The following ARHGAP32 variants were observed in gnomAD, a reference collection of about 807,000 sequenced individuals.
ARHGAP32 encodes rho GTPase-activating protein 32.
Under a neutral mutation model 186.5 loss-of-function variants are expected in ARHGAP32, and 51 were observed. The ratio of observed to expected loss-of-function variants is 0.27; its 90% CI spans 0.22 to 0.35. ARHGAP32 has a LOEUF of 0.35. ARHGAP32 is among the 10% of genes least tolerant of loss of function. The probability of loss-of-function intolerance (pLI) is 1.00; values close to 1 mark genes in which losing one functional copy is unlikely to be tolerated. For synonymous variants in ARHGAP32, 950 were observed against 964.3 expected, an observed-to-expected ratio of 0.99 and a Z score of 0.27; for missense variants, 2,186 against 2,623.5, an observed-to-expected ratio of 0.83 and a Z score of 3.64.
At chr11:129,114,076 C>T (rs146239923) in intron 5 of ARHGAP32, among the ~76,000 whole-genome samples, 1 of 152,202 alleles carries the variant, frequency 6.6e-6, no homozygotes, top group East Asian at 1.9e-4. Flanking sequence ...GGCCCCCTTA[C>T]ATCTGGATAA....
At chr11:129,100,370 G>A (rs1941858891) in intron 5 of ARHGAP32, among the ~76,000 whole-genome samples, 1 of 152,176 alleles carries the variant, frequency 6.6e-6, no homozygotes, top group Non-Finnish European at 1.5e-5. Context: ...AGCCTCACAT[G>A]TCCTGGGAGC....
intron 5 of ARHGAP32, among the ~76,000 whole-genome samples, chr11:129,115,941 T>C (rs1376910431): frequency 1.3e-5 from 2 of 152,206 alleles, no homozygotes; most frequent in African/African-American, 2.4e-5. Context: ...TCAAGTTTCA[T>C]AAGTGCAGAG....
chr11:128,977,015 G>C (rs911089233), intron 19 of ARHGAP32, among the ~76,000 whole-genome samples: 2 of 152,098 alleles, frequency 1.3e-5, no homozygotes, highest in African/African-American at 4.8e-5. Flanking sequence ...GTCCTCGTAA[G>C]AAAACACAGA....
upstream of ARHGAP32, among the ~76,000 whole-genome samples, chr11:129,193,497 A>T (rs189733496): frequency 0.12 from 9,909 of 79,790 alleles, 1,434 homozygotes; most frequent in Admixed American, 0.17. Context: ...AAAAAAAAAA[A>T]AAATATATAT....
At chr11:129,171,254 G>A (rs1943753876) in intron 1 of ARHGAP32, among the ~76,000 whole-genome samples, 1 of 152,212 alleles carries the variant, frequency 6.6e-6, no homozygotes, top group East Asian at 1.9e-4. Flanking sequence ...CCATGCCTAT[G>A]TCCTGAATGG....
intron 2 of ARHGAP32, among the ~76,000 whole-genome samples, chr11:129,130,805 G>A (rs1424089982): frequency 6.6e-6 from 1 of 152,024 alleles, no homozygotes; most frequent in Non-Finnish European, 1.5e-5. Flanking sequence ...TTCCTACTAA[G>A]CATACTCCAT....
intron 5 of ARHGAP32, among the ~76,000 whole-genome samples, chr11:129,122,942 T>C (rs1314099691): frequency 6.6e-6 from 1 of 152,092 alleles, no homozygotes; most frequent in Non-Finnish European, 1.5e-5. Context: ...ATATATATAA[T>C]GTACAAAGGA....
At chr11:128,974,089 A>T in intron 21 of ARHGAP32, 35 bp downstream of exon 21, 1 of 1,604,640 alleles carries the variant, frequency 6.2e-7, no homozygotes. Context: ...GATCCCTCTT[A>T]ACTTAAAGAA....
At chr11:129,224,702 C>T (rs997715387) in intron 1 of ARHGAP32, among the ~76,000 whole-genome samples, 3 of 142,720 alleles carry the variant, frequency 2.1e-5, no homozygotes, top group Non-Finnish European at 3.0e-5. Flanking sequence ...TCAACCTATC[C>T]GGTGACATCC....
intron 12 of ARHGAP32, among the ~76,000 whole-genome samples, chr11:128,997,855 C>T (rs1470340715): frequency 6.6e-6 from 1 of 152,154 alleles, no homozygotes; most frequent in Non-Finnish European, 1.5e-5. Context: ...GATCACGCCA[C>T]TGCACTCCAG....
At chr11:129,046,049 T>C (rs1939793604) in intron 10 of ARHGAP32, among the ~76,000 whole-genome samples, 1 of 152,096 alleles carries the variant, frequency 6.6e-6, no homozygotes, top group South Asian at 2.1e-4. Flanking sequence ...CTGGTAAATG[T>C]TTAACAACTA....
chr11:129,030,285 A>G (rs1286629600), intron 11 of ARHGAP32, among the ~76,000 whole-genome samples: 1 of 152,354 alleles, frequency 6.6e-6, no homozygotes, highest in Admixed American at 6.5e-5. Flanking sequence ...TGGCTACAAA[A>G]GAGCAAAAAG....
chr11:129,190,086 T>C (rs914799478), intron 1 of ARHGAP32, among the ~76,000 whole-genome samples: 3 of 152,230 alleles, frequency 2.0e-5, no homozygotes, highest in African/African-American at 7.2e-5. Context: ...GAGATTTTTA[T>C]AAAAACACAG....
At chr11:129,085,993 C>CA (rs1243593533) in intron 6 of ARHGAP32, among the ~76,000 whole-genome samples, 4 of 125,244 alleles carry the variant, frequency 3.2e-5, no homozygotes, top group Non-Finnish European at 6.8e-5. Context: ...GACTCCATCT[C>CA]AAAAAAACAA....
intron 1 of ARHGAP32, among the ~76,000 whole-genome samples, chr11:129,174,642 C>A (rs991074098): frequency 5.3e-5 from 8 of 152,296 alleles, no homozygotes; most frequent in African/African-American, 1.2e-4. Flanking sequence ...CCCCTGACCC[C>A]CGAGCAGCCT....
intron 10 of ARHGAP32, among the ~76,000 whole-genome samples, chr11:129,061,690 A>G (rs1240812277): frequency 2.0e-5 from 3 of 152,180 alleles, no homozygotes; most frequent in Admixed American, 6.5e-5. Flanking sequence ...AGATTTTATC[A>G]CACTACTCAG....
intron 5 of ARHGAP32, among the ~76,000 whole-genome samples, chr11:129,110,712 T>C (rs1942186088): frequency 6.6e-6 from 1 of 152,140 alleles, no homozygotes; most frequent in Non-Finnish European, 1.5e-5. Flanking sequence ...ACGATTGCCT[T>C]CTTCTTTTCA....
Position 128,974,435 on chromosome 11 carries a change from A to G in ARHGAP32, c.2762T>C (p.Ile921Thr), listed in dbSNP as rs2136080419. ...RKLSKSPSMS[I>T]SEPISVTLPP... is the part of the protein sequence containing the mutation. ...TAGGGTCACTGAAATTGGCTCAGAT[A>G]TGCTCATAGAAGGTGATTTGCTTAA... Residue 921 changes from isoleucine (I) to threonine (T), a missense_variant, in exon 21 of 23, where the codon ATA becomes ACA. By Grantham distance (89) the Ile-to-Thr change is moderately conservative. Around this residue, in one of 5 missense-constraint regions of ARHGAP32, gnomAD observed 1,502 missense variants for 1,570.0 expected, o/e 0.96. Coordinates refer to ENST00000682385, the MANE Select transcript of ARHGAP32 (RefSeq NM_001378024.1). The G allele has an allele frequency of 6.2e-7, 1 of 1,614,230 alleles. No homozygotes were observed. The highest frequency in any genetic ancestry group is 2.2e-5 in the East Asian group (1 of 44,886).
intron 10 of ARHGAP32, among the ~76,000 whole-genome samples, chr11:129,058,447 G>A (rs1940355793): frequency 6.6e-6 from 1 of 152,062 alleles, no homozygotes; most frequent in Non-Finnish European, 1.5e-5. Flanking sequence ...TAAAGAACAT[G>A]TTTCCCTATT....
Sources: gnomAD v4.1 joint callset for allele counts (sites outside exome capture counted in the v4.1 genomes callset) on GRCh38, gnomAD v4.1.1 for gene constraint, gnomAD v4.1.1 regional missense constraint, MANE v1.5 for transcripts, NCBI Gene and HGNC (gene_info 2026-07-23, HGNC 2026-07-21) for gene names.